The following INSR variants were observed in gnomAD, a reference collection of about 807,000 sequenced individuals.
INSR encodes IR.
Under a neutral mutation model 142.6 loss-of-function variants are expected in INSR, and 67 were observed. That is an observed-to-expected ratio of 0.47 (90% confidence interval 0.39 to 0.58). INSR has a LOEUF of 0.58. INSR is among the 20% of genes least tolerant of loss of function. The pLI is 0.00. For missense variants in INSR, 1,248 were observed against 1,833.2 expected (o/e 0.68, Z 5.83); for synonymous variants, 756 against 743.1 (o/e 1.02, Z -0.28).
chr19:7,244,931 C>CTTTTTTTTTTTTTTTTTTTTTTTTTGT, intron 2 of INSR, among the ~76,000 whole-genome samples: 1 of 88,058 alleles, frequency 1.1e-5, no homozygotes, highest in Non-Finnish European at 2.5e-5. Flanking sequence ...TTTGTTTTTG[C>CTTTTTTTTTTTTTTTTTTTTTTTTTGT]TTTTTTTTTT....
rs778625883 is a variant in INSR at position 7,125,502 on chromosome 19, C to A, written c.3039G>T (p.Pro1013=). The change falls in exon 17 of 22, where the codon CCG becomes CCT. Residue 1013 remains proline, a synonymous_variant. Coordinates refer to ENST00000302850, the MANE Select transcript of INSR (RefSeq NM_000208.4). The surrounding 1 kb of genome is among the most constrained non-coding windows in gnomAD (Gnocchi z 4.9). Reference sequence around the variant, plus strand: ...TCTCTCGAGACACCTCCCACTCGTCCGGCACGTACACAGAGCATGGAAACA... The same window carrying A: ...TCTCTCGAGACACCTCCCACTCGTCAGGCACGTACACAGAGCATGGAAACA... ...SDVFPCSVYV[P]DEWEVSREKI... 6.2e-7 allele frequency: 1 copy of A among 1,613,954 alleles called. No individual in the cohort carries two copies. The highest frequency in any genetic ancestry group is 8.5e-7 in the Non-Finnish European group (1 of 1,180,030).
At chr19:7,193,119 CTTTTTTT>C (rs764541723) in intron 2 of INSR, among the ~76,000 whole-genome samples, 4 of 139,706 alleles carry the variant, frequency 2.9e-5, no homozygotes, top group African/African-American at 1.0e-4. Flanking sequence ...TCTTTTTTTT[CTTTTTTT>C]TTTTTTCCCC....
At chr19:7,120,519 G>C in intron 20 of INSR, 101 bp downstream of exon 20, 1 of 1,402,024 alleles carries the variant, frequency 7.1e-7, no homozygotes, top group Middle Eastern at 2.2e-4. Context: ...TCCTTGATGG[G>C]GCGTCCAGGA....
intron 13 of INSR, among the ~76,000 whole-genome samples, chr19:7,136,117 C>T (rs74508573): frequency 0.012 from 1,830 of 152,158 alleles, 39 homozygotes; most frequent in African/African-American, 0.041. Flanking sequence ...TTTTTTGCCA[C>T]GCTCGTGGGC....
chr19:7,184,664 A>AGAGAGAGAGAGAGAG, intron 2 of INSR, 27 bp from the exon 3 acceptor site: 7 of 635,448 alleles, frequency 1.1e-5, no homozygotes, highest in African/African-American at 1.1e-4. Flanking sequence ...AGAGAGAGGG[A>AGAGAGAGAGAGAGAG]AATAAATAAA....
At chr19:7,237,591 G>A (rs889916607) in intron 2 of INSR, among the ~76,000 whole-genome samples, 3 of 151,940 alleles carry the variant, frequency 2.0e-5, no homozygotes, top group Admixed American at 6.6e-5. Context: ...CGAGGCGGGT[G>A]GATCATGAGG....
chr19:7,241,230 G>C (rs1976330846), intron 2 of INSR, among the ~76,000 whole-genome samples: 1 of 148,824 alleles, frequency 6.7e-6, no homozygotes, highest in South Asian at 2.1e-4. Context: ...CCAGGCTGGA[G>C]TGCAGTGGTG....
intron 2 of INSR, among the ~76,000 whole-genome samples, chr19:7,186,416 C>G (rs1974432604): frequency 6.6e-6 from 1 of 152,100 alleles, no homozygotes; most frequent in South Asian, 2.1e-4. Flanking sequence ...ACATAGTAGC[C>G]ACTTCTCCCC....
chr19:7,122,884 C>A lies in INSR; in HGVS notation c.3364G>T (p.Ala1122Ser). 6.2e-7 allele frequency: 1 copy of A among 1,609,310 alleles called. No individual in the cohort carries two copies. Among genetic ancestry groups the A allele is most frequent in the Non-Finnish European group, 8.5e-7 (1 of 1,178,400 alleles). Residue 1122 changes from alanine (A) to serine (S), a missense_variant, in exon 18 of 22, where the codon GCT becomes TCT. Coordinates refer to ENST00000302850, the MANE Select transcript of INSR (RefSeq NM_000208.4). ...GGTCCCCCGAAGCAGCTTACCTCAG[C>A]CTCTGGCCGCAGAGAACGGAGGTAG... ...KSYLRSLRPE[A>S]ENNPGRPPPT...
chr19:7,247,068 C>G (rs554601108), intron 2 of INSR, among the ~76,000 whole-genome samples: 6 of 152,268 alleles, frequency 3.9e-5, no homozygotes, highest in African/African-American at 1.4e-4. Context: ...CTAGCTGATT[C>G]AAGCTGAGAG....
chr19:7,116,122 TTTC>T lies in INSR; in HGVS notation c.*931_*933del, dbSNP rs921278441. ...TTTTCCATTTTGTTTTTTCTTTCTT[TTTC>T]TTTTTTTTTTTTTAATGTCCTAGCT... On this transcript the variant is annotated 3_prime_UTR_variant, in exon 22 of 22. Coordinates refer to ENST00000302850, the MANE Select transcript of INSR (RefSeq NM_000208.4). 6 of 38,290 alleles carry T rather than the reference TTTC, an allele frequency of 1.6e-4. No individual in the cohort carries two copies. Among genetic ancestry groups the T allele is most frequent in the African/African-American group, 5.2e-4 (6 of 11,600 alleles). 2.4% of individuals were successfully genotyped at this position (38,290 alleles called of 1,614,324 possible). A position where few individuals can be genotyped will look rare whatever the true frequency, so the allele number is the denominator to read the frequency against.
At chr19:7,229,878 A>C (rs1302211525) in intron 2 of INSR, among the ~76,000 whole-genome samples, 1 of 146,888 alleles carries the variant, frequency 6.8e-6, no homozygotes, top group Non-Finnish European at 1.5e-5. Context: ...TGATGCTCCC[A>C]CCTCAGCCTC....
At chr19:7,246,716 C>T (rs1423389303) in intron 2 of INSR, among the ~76,000 whole-genome samples, 1 of 152,146 alleles carries the variant, frequency 6.6e-6, no homozygotes, top group Non-Finnish European at 1.5e-5. Context: ...GTTTGTTACA[C>T]AGCAAAACTA....
At chr19:7,204,488 T>C (rs1206760560) in intron 2 of INSR, among the ~76,000 whole-genome samples, 2 of 152,158 alleles carry the variant, frequency 1.3e-5, no homozygotes, top group Admixed American at 1.3e-4. Context: ...TGCTATTCTA[T>C]TAGAAAAACA....
intron 2 of INSR, among the ~76,000 whole-genome samples, chr19:7,207,580 T>TC (rs1975138356): frequency 8.1e-6 from 1 of 123,234 alleles, no homozygotes; most frequent in Admixed American, 8.6e-5. Flanking sequence ...AGCAACCATC[T>TC]CAAAAAACAA....
At position 7,224,854 on chromosome 19, in the gene INSR, C is replaced by T. The variant is rs1975731558; in HGVS notation, c.653-40217G>A. On this transcript the variant is annotated intron_variant, in intron 2 of 21. Coordinates refer to ENST00000302850, the MANE Select transcript of INSR (RefSeq NM_000208.4). ...GGCTGTAAGGAAGTCCCCCAAACGC[C>T]CAATAAATATCCAGGTTCTTGTCTC... 6.0e-5 allele frequency among the ~76,000 whole-genome samples: 9 copies of T among 150,696 alleles called. No individual in the cohort carries two copies. The South Asian group carries it at 1.9e-3, about 32-fold the overall frequency.
At chr19:7,261,947 A>G (rs1039171488) in intron 2 of INSR, among the ~76,000 whole-genome samples, 1 of 152,214 alleles carries the variant, frequency 6.6e-6, no homozygotes, top group Non-Finnish European at 1.5e-5. Flanking sequence ...AGGACAAACC[A>G]GCACCTTCAT....
chr19:7,272,548 G>A (rs1384931493), intron 1 of INSR, among the ~76,000 whole-genome samples: 1 of 152,016 alleles, frequency 6.6e-6, no homozygotes, highest in Non-Finnish European at 1.5e-5. Flanking sequence ...AACCTAGGAG[G>A]CGGACGTTGC....
At chr19:7,262,723 T>C (rs12985940) in intron 2 of INSR, among the ~76,000 whole-genome samples, 27,938 of 152,152 alleles carry the variant, frequency 0.18, 3,053 homozygotes, top group African/African-American at 0.29. Context: ...GAGGACAACA[T>C]GCTCAGTGAA....
Sources: allele counts gnomAD v4.1 joint callset (sites outside exome capture counted in the v4.1 genomes callset), GRCh38; gene constraint gnomAD v4.1.1; non-coding constraint Gnocchi (gnomAD v3.1); transcripts MANE v1.5; gene names NCBI Gene and HGNC (gene_info 2026-07-23, HGNC 2026-07-21).